The following ELMOD1 variants were observed in gnomAD, a reference collection of about 807,000 sequenced individuals.
The protein encoded by ELMOD1 is ELMO domain-containing protein 1.
In ELMOD1, 21 loss-of-function variants were observed where a neutral mutation model predicts 46.7. The ratio of observed to expected loss-of-function variants is 0.45; its 90% CI spans 0.32 to 0.65. The LOEUF (loss-of-function observed/expected upper bound fraction) is 0.65, where lower values mean the gene tolerates loss of function less well. ELMOD1 is among the 30% of genes least tolerant of loss of function. The pLI, the probability that ELMOD1 is intolerant of heterozygous loss-of-function variation, is 0.04. For synonymous variants in ELMOD1, 122 were observed against 138.2 expected, an observed-to-expected ratio of 0.88 and a Z score of 0.82; for missense variants, 348 against 407.8, an observed-to-expected ratio of 0.85 and a Z score of 1.26.
At chr11:107,643,863 C>T (rs1866370616) in intron 6 of ELMOD1, 2 of 256,066 alleles carry the variant, frequency 7.8e-6, no homozygotes, top group Admixed American at 8.8e-5. Context: ...TGCCCTCTGC[C>T]ATCACCACAG....
At chr11:107,593,062 A>G (rs1387586918) in intron 1 of ELMOD1, 7 of 152,642 alleles carry the variant, frequency 4.6e-5, no homozygotes, top group Admixed American at 4.6e-4. Flanking sequence ...AAGTGCTTCA[A>G]TTTACAGATG....
chr11:107,662,562 A>G (rs1208279501), intron 11 of ELMOD1, among the ~76,000 whole-genome samples: 1 of 150,496 alleles, frequency 6.6e-6, no homozygotes, highest in African/African-American at 2.5e-5. Context: ...GTGAGCCAAG[A>G]TCGTGCCATT....
chr11:107,638,706 A>G (rs961375967), intron 6 of ELMOD1, among the ~76,000 whole-genome samples: 1 of 152,232 alleles, frequency 6.6e-6, no homozygotes, highest in South Asian at 2.1e-4. Context: ...CACCCATTTT[A>G]CAAGTAATAT....
At chr11:107,615,623 T>G (rs1364533584) in intron 1 of ELMOD1, among the ~76,000 whole-genome samples, 1 of 152,186 alleles carries the variant, frequency 6.6e-6, no homozygotes, top group African/African-American at 2.4e-5. Flanking sequence ...CCTTGCTTCA[T>G]TCAATTTTTC....
chr11:107,654,230 T>C lies in ELMOD1; in HGVS notation c.698+8T>C, dbSNP rs770633577. The C allele has an allele frequency of 6.9e-6, 11 of 1,587,692 alleles. No homozygotes were observed. In the Admixed American group the frequency reaches 7.1e-5, roughly 10 times the overall value. ...GATGGATAAGGCAATTGGGTGAGTA[T>C]GGGATCTCACATGGAAAGATGGTCC... On this transcript the variant is annotated splice_region_variant and intron_variant, in intron 10 of 11. Transcript: ENST00000265840.
At chr11:107,641,642 C>T (rs894167852) in intron 6 of ELMOD1, among the ~76,000 whole-genome samples, 5 of 152,130 alleles carry the variant, frequency 3.3e-5, no homozygotes, top group Non-Finnish European at 7.4e-5. Context: ...TCATCATCCT[C>T]TCATATGTAA....
chr11:107,592,451 G>A (rs767408480), intron 1 of ELMOD1: 1 of 533,980 alleles, frequency 1.9e-6, no homozygotes, highest in Non-Finnish European at 3.9e-6. Flanking sequence ...GTTTTGTGCC[G>A]GTGGCTTGAC....
rs1220645753 is a variant in ELMOD1, at chr11:107,665,398, C to T, written c.*201C>T. On this transcript the variant is annotated 3_prime_UTR_variant, in exon 12 of 12. Transcript: ENST00000265840. ...GAGTATCTGTCATCCAGTGACTGCT[C>T]ATATTGTGGCATTATGCAGTGTTAC... 5.4e-6 allele frequency: 3 copies of T among 556,964 alleles called. No individual in the cohort carries two copies. Among genetic ancestry groups the T allele is most frequent in the African/African-American group, 3.8e-5 (2 of 53,192 alleles). 34.5% of individuals were successfully genotyped at this position (556,964 alleles called of 1,614,324 possible). A position where few individuals can be genotyped will look rare whatever the true frequency, so the allele number is the denominator to read the frequency against.
intron 1 of ELMOD1, among the ~76,000 whole-genome samples, chr11:107,611,802 A>G (rs915576190): frequency 6.6e-6 from 1 of 152,144 alleles, no homozygotes; most frequent in African/African-American, 2.4e-5. Flanking sequence ...AGAAAATGCA[A>G]ATCAAAACCA....
chr11:107,631,407 C>CT (rs1491568841), intron 4 of ELMOD1, among the ~76,000 whole-genome samples, 173 bp from the exon 5 acceptor site: 5 of 136,018 alleles, frequency 3.7e-5, no homozygotes, highest in Non-Finnish European at 7.9e-5. Context: ...ACCCCCCCCC[C>CT]CATCGTGAAA....
At position 107,637,588 on chromosome 11, in the gene ELMOD1, G is replaced by A. The variant is rs567482717; in HGVS notation, c.420+1823G>A. On this transcript the variant is annotated intron_variant, in intron 6 of 11. Coordinates refer to ENST00000265840, the MANE Select transcript of ELMOD1 (RefSeq NM_018712.4). ...GATGCCTGTAATCCCAGGTACTCGG[G>A]AGGCTGAGGCAGGAGAATTGCTTGA... 3.9e-5 allele frequency among the ~76,000 whole-genome samples: 6 copies of A among 152,192 alleles called. No homozygotes were observed. In the South Asian group the frequency reaches 1.2e-3, roughly 32 times the overall value.
intron 1 of ELMOD1, among the ~76,000 whole-genome samples, chr11:107,612,161 C>T (rs1465405361): frequency 6.6e-6 from 1 of 152,146 alleles, no homozygotes; most frequent in East Asian, 1.9e-4. Context: ...GTTATGTATA[C>T]CATAGAATAC....
At chr11:107,628,367 A>G (rs1253115247) in intron 2 of ELMOD1, among the ~76,000 whole-genome samples, 1 of 152,076 alleles carries the variant, frequency 6.6e-6, no homozygotes, top group Non-Finnish European at 1.5e-5. Flanking sequence ...GGGTTTCACC[A>G]TATTGGCTGG....
In ELMOD1 at chr11:107,631,601, G is replaced by A; in HGVS notation, c.214G>A (p.Val72Ile). 3 of 1,562,440 alleles carry A rather than the reference G, an allele frequency of 1.9e-6. No homozygotes were observed. The highest frequency in any genetic ancestry group is 2.6e-6 in the Non-Finnish European group (3 of 1,153,176). Residue 72 changes from valine to isoleucine, a missense_variant, in exon 5 of 12, where the codon GTT (valine) becomes ATT (isoleucine). By Grantham distance (29) the Val-to-Ile change is conservative. Transcript: ENST00000265840. ...CCAGCTGTTGCAGACTTCTGTGAGT[G>A]TTCACCCCGACGCTATTGAAAAAAC... ...KSKLLQTSVS[V>I]HPDAIEKTIE... is the part of the protein sequence containing the mutation.
At chr11:107,656,474 T>C (rs1276267977) in intron 11 of ELMOD1, among the ~76,000 whole-genome samples, 2 of 148,324 alleles carry the variant, frequency 1.3e-5, no homozygotes, top group Non-Finnish European at 3.0e-5. Context: ...ATGTATTTTA[T>C]ATATATAATA....
At chr11:107,611,822 A>G (rs1865785962) in intron 1 of ELMOD1, among the ~76,000 whole-genome samples, 1 of 152,122 alleles carries the variant, frequency 6.6e-6, no homozygotes, top group Non-Finnish European at 1.5e-5. Context: ...ACAATGAGAT[A>G]CCATCTCACA....
chr11:107,640,407 G>A (rs1344943170), intron 6 of ELMOD1, among the ~76,000 whole-genome samples: 2 of 152,066 alleles, frequency 1.3e-5, no homozygotes, highest in African/African-American at 4.8e-5. Context: ...ATTTCACTGT[G>A]GACATAAGAA....
At chr11:107,657,517 G>T (rs1866655941) in intron 11 of ELMOD1, among the ~76,000 whole-genome samples, 1 of 152,162 alleles carries the variant, frequency 6.6e-6, no homozygotes, top group African/African-American at 2.4e-5. Flanking sequence ...GACAGAGCAA[G>T]ACCCCATCTC....
intron 1 of ELMOD1, chr11:107,592,396 T>G: frequency 1.9e-6 from 1 of 534,578 alleles, no homozygotes; most frequent in Non-Finnish European, 3.8e-6. Context: ...GAGACCAATT[T>G]TGGGCAGGCA....
Sources: gnomAD v4.1 joint callset for allele counts (sites outside exome capture counted in the v4.1 genomes callset) on GRCh38, gnomAD v4.1.1 for gene constraint, MANE v1.5 for transcripts, NCBI Gene and HGNC (gene_info 2026-07-23, HGNC 2026-07-21) for gene names.